The following ATP2B1 variants were observed in gnomAD, a reference collection of about 807,000 sequenced individuals.
The protein encoded by ATP2B1 is ATPase plasma membrane Ca2+ transporting 1.
In ATP2B1, 14 loss-of-function variants were observed where a neutral mutation model predicts 124.2. The observed-to-expected ratio is 0.11, with a 90% CI of 0.07 to 0.18. The LOEUF is 0.18. ATP2B1 is among the 10% of genes least tolerant of loss of function. ATP2B1 has a pLI of 1.00. For missense variants in ATP2B1, 763 were observed against 1,466.1 expected (o/e 0.52, Z 7.83); for synonymous variants, 449 against 492.4 (o/e 0.91, Z 1.17).
intron 1 of ATP2B1, among the ~76,000 whole-genome samples, chr12:89,683,368 T>G (rs1889588552): frequency 6.6e-6 from 1 of 152,224 alleles, no homozygotes; most frequent in African/African-American, 2.4e-5. Context: ...ATTATGGGAC[T>G]TGAAGCCAGG....
At chr12:89,669,507 G>A (rs533482950) in intron 1 of ATP2B1, among the ~76,000 whole-genome samples, 2 of 152,224 alleles carry the variant, frequency 1.3e-5, no homozygotes, top group African/African-American at 2.4e-5. Flanking sequence ...TACTAGCTGC[G>A]TGACCCTGAA....
chr12:89,700,759 C>A (rs185617741), intron 1 of ATP2B1, among the ~76,000 whole-genome samples: 1 of 152,188 alleles, frequency 6.6e-6, no homozygotes, highest in African/African-American at 2.4e-5. Context: ...ATTATTGCAA[C>A]GTCAATTAAA....
chr12:89,643,104 G>GTA (rs761020252), intron 2 of ATP2B1, among the ~76,000 whole-genome samples: 4 of 111,608 alleles, frequency 3.6e-5, no homozygotes, highest in East Asian at 2.2e-4. Flanking sequence ...ATATACATAC[G>GTA]TATATATATA....
chr12:89,642,065 A>C, intron 3 of ATP2B1, 93 bp downstream of exon 3: 2 of 1,278,724 alleles, frequency 1.6e-6, no homozygotes, highest in Non-Finnish European at 2.2e-6. Flanking sequence ...AGCAAACATC[A>C]ATAAATGCTG....
rs1396895103 is a variant in ATP2B1, at chr12:89,589,809, T to G, written c.*1175A>C. On this transcript the variant is annotated 3_prime_UTR_variant, in exon 21 of 21. Transcript: ENST00000428670. ...TAAAAAAACATTGCCATGAATTTAT[T>G]TAATAAAAGGGCATATTTATTTATG... The G allele has an allele frequency of 2.0e-5, 3 of 152,216 alleles. No individual in the cohort carries two copies. Among genetic ancestry groups the G allele is most frequent in the Non-Finnish European group, 4.4e-5 (3 of 68,010 alleles). 9.4% of individuals were successfully genotyped at this position (152,216 alleles called of 1,614,324 possible).
chr12:89,639,518 C>A (rs1476304956), intron 3 of ATP2B1, among the ~76,000 whole-genome samples: 2 of 150,534 alleles, frequency 1.3e-5, no homozygotes, highest in East Asian at 3.9e-4. Context: ...TATATATAGT[C>A]TCTCTCTATA....
intron 20 of ATP2B1, chr12:89,594,309 C>A (rs1487384834): frequency 6.6e-6 from 1 of 151,878 alleles, no homozygotes; most frequent in African/African-American, 2.4e-5. Context: ...TCTCACAGTA[C>A]AGTAACTGTG....
At chr12:89,664,807 A>G (rs1441572318) in intron 1 of ATP2B1, among the ~76,000 whole-genome samples, 2 of 152,162 alleles carry the variant, frequency 1.3e-5, no homozygotes, top group African/African-American at 4.8e-5. Flanking sequence ...AAGTTTCCTC[A>G]AACAAATATA....
intron 1 of ATP2B1, among the ~76,000 whole-genome samples, chr12:89,698,318 G>C (rs1891412765): frequency 6.6e-6 from 1 of 152,172 alleles, no homozygotes. Flanking sequence ...GCAATAACAA[G>C]AACTACTAAT....
At position 89,655,837 on chromosome 12, in the gene ATP2B1, G is replaced by A; in HGVS notation, c.50C>T (p.Ser17Phe). The stretch of plus-strand genomic sequence containing the variant: ...TCCATCATGATTAGCTTCCTTCAAA[G>A]AGTTTTTCACACCACTGTAAGCAAC... The part of the protein sequence containing the change: ...NSVAYSGVKN[S>F]LKEANHDGDF... Residue 17 changes from serine (S) to phenylalanine (F), a missense_variant, in exon 2 of 21, where the codon TCT becomes TTT. This residue lies in a region of ATP2B1 where 93 missense variants were observed against 112.7 expected (regional missense o/e 0.83). Coordinates refer to ENST00000428670, the MANE Select transcript of ATP2B1 (RefSeq NM_001366521.1). 2 of 1,613,610 alleles carry A rather than the reference G, an allele frequency of 1.2e-6. No homozygotes were observed. Among genetic ancestry groups the A allele is most frequent in the Non-Finnish European group, 1.7e-6 (2 of 1,179,634 alleles).
intron 1 of ATP2B1, among the ~76,000 whole-genome samples, chr12:89,706,434 G>A (rs888813124): frequency 3.3e-5 from 5 of 150,970 alleles, no homozygotes; most frequent in Admixed American, 2.6e-4. Context: ...CCTTTATTTG[G>A]TGGCAATGGC....
chr12:89,672,288 CTA>C (rs1422872902), intron 1 of ATP2B1, among the ~76,000 whole-genome samples: 3 of 152,112 alleles, frequency 2.0e-5, no homozygotes, highest in Non-Finnish European at 4.4e-5. Context: ...AACCCCGTCT[CTA>C]TTAAAATACC....
chr12:89,603,642 A>G lies in ATP2B1; in HGVS notation c.2848+70T>C, dbSNP rs1876297338. On this transcript the variant is annotated intron_variant, in intron 17 of 20. Transcript: ENST00000428670. The surrounding 1 kb of genome is among the most constrained non-coding windows in gnomAD (Gnocchi z 4.3). ...TAGGCTCTTGAAAATTTGTAACATT[A>G]TAACATCTTGGATGATTAGCTTGGA... 9 of 1,496,580 alleles carry G rather than the reference A, an allele frequency of 6.0e-6. No individual in the cohort carries two copies. Among genetic ancestry groups the G allele is most frequent in the African/African-American group, 2.8e-5 (2 of 72,066 alleles). The allele number at this position is 1,496,580 out of a possible 1,614,324, so 92.7% of individuals were successfully genotyped here.
At chr12:89,698,458 G>A (rs752319894) in intron 1 of ATP2B1, among the ~76,000 whole-genome samples, 8 of 152,092 alleles carry the variant, frequency 5.3e-5, no homozygotes, top group South Asian at 2.1e-4. Context: ...AAAGCAGATC[G>A]GGGCTGCCTG....
rs930641407 is a variant in ATP2B1 at position 89,611,068 on chromosome 12, T to G, written c.2247+125A>C. ...AACACTAGTATTTTGCTTCCTAAGG[T>G]ATAGACTGCATTTATTTCATGCATG... On this transcript the variant is annotated intron_variant, in intron 13 of 20. Coordinates refer to ENST00000428670, the MANE Select transcript of ATP2B1 (RefSeq NM_001366521.1). 3.1e-5 allele frequency: 27 copies of G among 864,572 alleles called. No homozygotes were observed. In the African/African-American group the frequency reaches 4.6e-4, roughly 15 times the overall value. The allele number at this position is 864,572 out of a possible 1,614,324, so 53.6% of individuals were successfully genotyped here.
chr12:89,707,722 C>T (rs1007956426), intron 1 of ATP2B1, among the ~76,000 whole-genome samples: 9 of 152,152 alleles, frequency 5.9e-5, no homozygotes, highest in African/African-American at 1.9e-4. Flanking sequence ...CCCAGCGCTG[C>T]GAGTCCCGCA....
chr12:89,698,083 C>G (rs1891386964), intron 1 of ATP2B1, among the ~76,000 whole-genome samples: 1 of 152,188 alleles, frequency 6.6e-6, no homozygotes, highest in Admixed American at 6.5e-5. Context: ...TTTGGCCAGG[C>G]TGGTCTCGAA....
intron 3 of ATP2B1, 116 bp downstream of exon 3, chr12:89,642,042 G>C (rs1437896521): frequency 2.0e-6 from 2 of 1,021,064 alleles, no homozygotes; most frequent in African/African-American, 3.2e-5. Context: ...ACTTAGAACA[G>C]TGCCTAGCAC....
At chr12:89,702,602 T>G (rs1371827244) in intron 1 of ATP2B1, among the ~76,000 whole-genome samples, 1 of 152,166 alleles carries the variant, frequency 6.6e-6, no homozygotes, top group African/African-American at 2.4e-5. Flanking sequence ...TTAAGACCTA[T>G]TTTTTTCAGA....
Sources: allele counts gnomAD v4.1 joint callset (sites outside exome capture counted in the v4.1 genomes callset), GRCh38; gene constraint gnomAD v4.1.1; regional missense constraint gnomAD v4.1.1; non-coding constraint Gnocchi (gnomAD v3.1); transcripts MANE v1.5; gene names NCBI Gene and HGNC (gene_info 2026-07-23, HGNC 2026-07-21).